The following BTNL8 variants were observed in gnomAD, a reference collection of about 807,000 sequenced individuals.
BTNL8 encodes butyrophilin-like protein 8.
In BTNL8, 22 loss-of-function variants were observed where a neutral mutation model predicts 36.1. That is an observed-to-expected ratio of 0.61 (90% CI 0.44 to 0.87). The LOEUF (loss-of-function observed/expected upper bound fraction) is 0.87. Among genes scored for constraint, BTNL8 ranks in the 40% least tolerant of loss-of-function variants. BTNL8 has a pLI of 0.00. For missense variants in BTNL8, 526 were observed against 616.9 expected (o/e 0.85, Z 1.56); for synonymous variants, 203 against 235.6 (o/e 0.86, Z 1.27).
intron 3 of BTNL8, among the ~76,000 whole-genome samples, chr5:180,940,128 C>T (rs191563329): frequency 5.5e-4 from 84 of 152,146 alleles, no homozygotes; most frequent in African/African-American, 1.1e-3. Flanking sequence ...GGGCAGATCA[C>T]GAGGTCAAGG....
intron 3 of BTNL8, among the ~76,000 whole-genome samples, chr5:180,932,409 C>T (rs1480605173): frequency 2.0e-5 from 3 of 152,188 alleles, no homozygotes; most frequent in African/African-American, 4.8e-5. Context: ...TGCAGTGGCA[C>T]AATCTTGGCT....
At chr5:180,943,499 G>A (rs2387718) in intron 3 of BTNL8, among the ~76,000 whole-genome samples, 12,296 of 152,134 alleles carry the variant, frequency 0.081, 622 homozygotes, top group South Asian at 0.2. Flanking sequence ...ATAAAAATCT[G>A]TTCAGTATCA....
intron 2 of BTNL8, 57 bp downstream of exon 2, chr5:180,908,990 G>A (rs143140614): frequency 8.5e-5 from 128 of 1,511,420 alleles, no homozygotes; most frequent in African/African-American, 8.1e-4. Context: ...GACTTTATAA[G>A]TGTTTTTTTC....
intron 3 of BTNL8, among the ~76,000 whole-genome samples, chr5:180,923,117 A>T (rs1757946339): frequency 6.6e-6 from 1 of 152,138 alleles, no homozygotes; most frequent in African/African-American, 2.4e-5. Flanking sequence ...ACAGCATACC[A>T]TTTGGTCTTG....
At chr5:180,914,428 G>A (rs1757533935) in intron 3 of BTNL8, among the ~76,000 whole-genome samples, 1 of 152,232 alleles carries the variant, frequency 6.6e-6, no homozygotes, top group Non-Finnish European at 1.5e-5. Context: ...GAGCCAGTCT[G>A]TAGTATTTTG....
rs1757241446 is a variant in BTNL8, at chr5:180,908,757, C to CA, written c.222dup (p.Phe75IlefsTer43). On this transcript the variant is annotated frameshift_variant, in exon 2 of 8. Transcript: ENST00000340184. LOFTEE classifies it high-confidence loss of function. ...CTCTACAGGGACGGGAAGGACCAGC[C>CA]ATTTATGCAGATGCCACAGTATCAA... 6.2e-7 allele frequency: 1 copy of CA among 1,614,144 alleles called. No homozygotes were observed. The highest frequency in any genetic ancestry group is 2.2e-5 in the East Asian group (1 of 44,878).
intron 3 of BTNL8, among the ~76,000 whole-genome samples, chr5:180,930,307 T>C (rs1231437081): frequency 1.3e-5 from 2 of 152,164 alleles, no homozygotes; most frequent in Admixed American, 1.3e-4. Context: ...ATGGAATGTA[T>C]CTCAAAATAA....
intron 4 of BTNL8, chr5:180,947,983 A>G (rs1236028878): frequency 1.5e-5 from 10 of 678,660 alleles, no homozygotes; most frequent in Non-Finnish European, 2.4e-5. Flanking sequence ...TGACAATAAG[A>G]TAAAATTATA....
rs1756721514 is a variant in BTNL8, at chr5:180,899,267, G to A, written c.-44G>A. On this transcript the variant is annotated 5_prime_UTR_variant, in exon 1 of 8. Coordinates refer to ENST00000340184, the MANE Select transcript of BTNL8 (RefSeq NM_001040462.3). Reference sequence around the variant, plus strand: ...CTCTAATCCATCCGTCACCTCTCCTGTCATCCGTTTCCATGCCGTGAGGTC... The same window carrying A: ...CTCTAATCCATCCGTCACCTCTCCTATCATCCGTTTCCATGCCGTGAGGTC... The A allele has an allele frequency of 6.2e-7, 1 of 1,607,140 alleles. No homozygotes were observed. The highest frequency in any genetic ancestry group is 8.5e-7 in the Non-Finnish European group (1 of 1,173,800).
chr5:180,909,081 T>A, intron 2 of BTNL8, 148 bp downstream of exon 2: 1 of 813,944 alleles, frequency 1.2e-6, no homozygotes, highest in Non-Finnish European at 1.9e-6. Flanking sequence ...CTTGTGTGTA[T>A]AGTTCTATGT....
intron 3 of BTNL8, among the ~76,000 whole-genome samples, chr5:180,925,697 T>A (rs1218820130): frequency 6.6e-6 from 1 of 152,076 alleles, no homozygotes; most frequent in Non-Finnish European, 1.5e-5. Context: ...AACAAAAACA[T>A]ATGGAAGTAA....
intron 3 of BTNL8, among the ~76,000 whole-genome samples, chr5:180,942,785 T>C (rs1449900199): frequency 6.6e-6 from 1 of 152,074 alleles, no homozygotes; most frequent in Non-Finnish European, 1.5e-5. Context: ...AAAAATAAAC[T>C]CTTGATGAAT....
intron 3 of BTNL8, among the ~76,000 whole-genome samples, chr5:180,921,724 T>C (rs762515671): frequency 6.6e-6 from 1 of 150,846 alleles, no homozygotes; most frequent in Non-Finnish European, 1.5e-5. Context: ...GTAATAATTA[T>C]AATAAAAGGG....
At chr5:180,900,781 G>A (rs542334348) in intron 1 of BTNL8, among the ~76,000 whole-genome samples, 2 of 152,324 alleles carry the variant, frequency 1.3e-5, no homozygotes, top group South Asian at 4.1e-4. Context: ...GCGTTGCTGC[G>A]GTGGCAACTG....
chr5:180,908,886 G>T lies in BTNL8; in HGVS notation c.350G>T (p.Ser117Ile). Residue 117 changes from serine (S) to isoleucine (I), a missense_variant, in exon 2 of 8, where the codon AGT (serine) becomes ATT (isoleucine). Coordinates refer to ENST00000340184, the MANE Select transcript of BTNL8 (RefSeq NM_001040462.3). ...LDAGLYGCRI[S>I]SQSYYQKAIW... The stretch of plus-strand genomic sequence containing the variant: ...GCTGGCCTCTATGGGTGCAGGATTA[G>T]TTCCCAGTCTTACTACCAGAAGGCC... The T allele has an allele frequency of 6.2e-7, 1 of 1,614,116 alleles. No individual in the cohort carries two copies. Among genetic ancestry groups the T allele is most frequent in the Non-Finnish European group, 8.5e-7 (1 of 1,179,990 alleles).
chr5:180,914,099 C>G (rs1183655813), intron 3 of BTNL8, among the ~76,000 whole-genome samples: 2 of 152,178 alleles, frequency 1.3e-5, no homozygotes. Context: ...GTTGTGTCTT[C>G]TCCAAAATTC....
chr5:180,908,074 T>G (rs867088872), intron 1 of BTNL8, among the ~76,000 whole-genome samples: 1,911 of 152,280 alleles, frequency 0.013, 17 homozygotes, highest in Middle Eastern at 0.048. Flanking sequence ...GTTTACCTAA[T>G]CAAGCCTGGG....
At chr5:180,911,682 G>C in intron 3 of BTNL8, 68 bp downstream of exon 3, 2 of 1,419,496 alleles carry the variant, frequency 1.4e-6, no homozygotes, top group Admixed American at 2.1e-5. Context: ...GAGGACAGGA[G>C]CCTCCATCTT....
intron 7 of BTNL8, chr5:180,949,503 G>A: frequency 4.5e-6 from 3 of 661,850 alleles, no homozygotes; most frequent in Non-Finnish European, 4.8e-6. Context: ...GGGGTCTTTG[G>A]CACAGTTTCA....
Sources: gnomAD v4.1 joint callset for allele counts (sites outside exome capture counted in the v4.1 genomes callset) on GRCh38, gnomAD v4.1.1 for gene constraint, MANE v1.5 for transcripts, NCBI Gene and HGNC (gene_info 2026-07-23, HGNC 2026-07-21) for gene names.